The following CAPZB variants were observed in gnomAD, a reference collection of about 807,000 sequenced individuals.
CAPZB encodes F-actin-capping protein subunit beta.
A neutral mutation model predicts 38.1 loss-of-function variants in CAPZB; 2 were observed. That is an observed-to-expected ratio of 0.05 (90% CI 0.02 to 0.17). CAPZB has a LOEUF of 0.17. Among genes scored for constraint, CAPZB ranks in the 10% least tolerant of loss-of-function variants. The probability of loss-of-function intolerance (pLI) is 1.00; values close to 1 mark genes in which losing one functional copy is unlikely to be tolerated. For missense variants in CAPZB, 161 were observed against 334.2 expected, an observed-to-expected ratio of 0.48 and a Z score of 4.04; for synonymous variants, 107 against 127.4, an observed-to-expected ratio of 0.84 and a Z score of 1.08.
intron 1 of CAPZB, 131 bp from the exon 2 acceptor site, chr1:19,419,881 C>T (rs138211595): frequency 0.025 from 15,296 of 610,308 alleles, 273 homozygotes; most frequent in Middle Eastern, 0.036. Flanking sequence ...TCCGCCAGGT[C>T]TCTGTGTGCC....
chr1:19,375,290 G>A (rs964223248), intron 4 of CAPZB, among the ~76,000 whole-genome samples: 4 of 152,234 alleles, frequency 2.6e-5, no homozygotes, highest in Non-Finnish European at 5.9e-5. Context: ...CCAGGAGAGA[G>A]AGCTCTTCAG....
intron 2 of CAPZB, among the ~76,000 whole-genome samples, chr1:19,394,730 A>T (rs2100295285): frequency 6.6e-6 from 1 of 152,226 alleles, no homozygotes; most frequent in East Asian, 1.9e-4. Flanking sequence ...TACAAAACAA[A>T]ACAAAACAAA....
At chr1:19,349,540 C>T (rs1240543870) in intron 6 of CAPZB, among the ~76,000 whole-genome samples, 1 of 152,186 alleles carries the variant, frequency 6.6e-6, no homozygotes, top group Non-Finnish European at 1.5e-5. Context: ...CAAGTCCAGT[C>T]ACATCAGCAA....
chr1:19,360,954 C>T (rs577963562), intron 4 of CAPZB, among the ~76,000 whole-genome samples: 1 of 152,180 alleles, frequency 6.6e-6, no homozygotes, highest in Non-Finnish European at 1.5e-5. Flanking sequence ...GCCCACAATG[C>T]CATAAATCAA....
intron 2 of CAPZB, chr1:19,385,907 G>GAA (rs1310358058): frequency 3.9e-6 from 2 of 507,164 alleles, no homozygotes; most frequent in African/African-American, 3.9e-5. Flanking sequence ...TCACCAGGGT[G>GAA]GCCTAGTAAA....
intron 1 of CAPZB, among the ~76,000 whole-genome samples, chr1:19,433,670 G>C (rs1180254020): frequency 6.6e-6 from 1 of 152,214 alleles, no homozygotes; most frequent in African/African-American, 2.4e-5. Context: ...TATCTAGAAG[G>C]GGGTGGTGCT....
chr1:19,359,495 C>T (rs1007442089), intron 4 of CAPZB, among the ~76,000 whole-genome samples: 17 of 152,170 alleles, frequency 1.1e-4, no homozygotes, highest in African/African-American at 3.6e-4. Flanking sequence ...CCAGCCCCTG[C>T]GGCAGGACCA....
intron 2 of CAPZB, among the ~76,000 whole-genome samples, chr1:19,412,662 G>A (rs6426800): frequency 0.65 from 98,192 of 151,998 alleles, 32,251 homozygotes; most frequent in East Asian, 0.82. Flanking sequence ...TAAAACCCCA[G>A]AAATGTGTAT....
chr1:19,465,489 C>T (rs1217673074), intron 1 of CAPZB, among the ~76,000 whole-genome samples: 1 of 152,172 alleles, frequency 6.6e-6, no homozygotes, highest in East Asian at 1.9e-4. Context: ...CCCAAACAGA[C>T]TAAGACAATG....
intron 2 of CAPZB, among the ~76,000 whole-genome samples, chr1:19,399,064 G>A (rs2094289077): frequency 6.6e-6 from 1 of 151,920 alleles, no homozygotes; most frequent in African/African-American, 2.4e-5. Context: ...CACCATGTTG[G>A]TCAGGCTGGT....
chr1:19,419,663 G>T lies in CAPZB; in HGVS notation c.91C>A (p.Leu31Met), dbSNP rs375068236. 6.3e-7 allele frequency: 1 copy of T among 1,579,000 alleles called. No homozygotes were observed. Among genetic ancestry groups the T allele is most frequent in the Non-Finnish European group, 8.6e-7 (1 of 1,156,746 alleles). Residue 31 changes from leucine to methionine, a missense_variant and splice_region_variant, in exon 2 of 9, where the codon CTG becomes ATG. By Grantham distance (15) the Leu-to-Met change is conservative. Transcript: ENST00000264202. ...IEKNLSDLID[L>M]VPSLCEDLLS... ...AACCATATGAAGGAGGCACGTACCA[G>T]GTCGATCAGGTCGCTGAGGTTTTTC...
At position 19,356,850 on chromosome 1, in the gene CAPZB, C is replaced by T; in HGVS notation, c.472-99G>A. On this transcript the variant is annotated intron_variant, in intron 5 of 8. Transcript: ENST00000264202. This position sits in a 1 kb window ranked among gnomAD's most constrained non-coding sequence, Gnocchi z 4.3. Reference sequence around the variant, plus strand: ...AACATCTCCCTTCCTAGGTCATTATCACAATATTACCTTTTTTTTTTTTAA... The same window carrying T: ...AACATCTCCCTTCCTAGGTCATTATTACAATATTACCTTTTTTTTTTTTAA... The T allele has an allele frequency of 5.4e-6, 4 of 734,854 alleles. No homozygotes were observed. Among genetic ancestry groups the T allele is most frequent in the Non-Finnish European group, 9.3e-6 (4 of 430,004 alleles). The allele number at this position is 734,854 out of a possible 1,614,324, so 45.5% of individuals were successfully genotyped here.
intron 1 of CAPZB, among the ~76,000 whole-genome samples, chr1:19,443,039 A>G (rs1381988350): frequency 1.3e-5 from 2 of 152,148 alleles, no homozygotes; most frequent in African/African-American, 2.4e-5. Context: ...CCTTAAAATC[A>G]TAATTACATC....
intron 2 of CAPZB, among the ~76,000 whole-genome samples, chr1:19,386,083 C>T (rs532691608): frequency 7.2e-4 from 110 of 152,330 alleles, no homozygotes; most frequent in African/African-American, 2.6e-3. Context: ...GTGGAGTCTC[C>T]AGTACTTTCC....
At chr1:19,341,916 G>A (rs754062901) in intron 8 of CAPZB, among the ~76,000 whole-genome samples, 1 of 152,210 alleles carries the variant, frequency 6.6e-6, no homozygotes, top group Admixed American at 6.5e-5. Context: ...CCTTCAGTGC[G>A]CAGCCCCTGG....
rs565194010 is a variant in CAPZB at position 19,363,302 on chromosome 1, G to T, written c.330-5739C>A. ...TTTAGAGACAGGGTCTTGCTATGTT[G>T]CCCAGGCTGGTCTCAAGCCGTTTAT... is the stretch of plus-strand genomic sequence containing the variant. On this transcript the variant is annotated intron_variant, in intron 4 of 8. Transcript: ENST00000264202. 2.6e-3 allele frequency among the ~76,000 whole-genome samples: 348 copies of T among 131,518 alleles called. 3 individuals carry two copies. The highest frequency in any genetic ancestry group is 9.2e-3 in the African/African-American group (337 of 36,822). The allele number at this position is 131,518 out of a possible 152,430, so 86.3% of individuals were successfully genotyped here.
chr1:19,419,341 G>A (rs1051254183), intron 2 of CAPZB, among the ~76,000 whole-genome samples: 2 of 152,126 alleles, frequency 1.3e-5, no homozygotes, highest in African/African-American at 4.8e-5. Flanking sequence ...GAATGCCTGC[G>A]GGATGGGTAT....
chr1:19,367,737 CT>C (rs1450037130), intron 4 of CAPZB, among the ~76,000 whole-genome samples: 1 of 152,224 alleles, frequency 6.6e-6, no homozygotes, highest in Non-Finnish European at 1.5e-5. Context: ...TTAATGCCAG[CT>C]GCACTTAGAA....
At chr1:19,439,305 C>T (rs114973471) in intron 1 of CAPZB, among the ~76,000 whole-genome samples, 1 of 152,188 alleles carries the variant, frequency 6.6e-6, no homozygotes, top group Non-Finnish European at 1.5e-5. Context: ...ACTATAACCT[C>T]CTTCCTGTAG....
Sources: allele counts gnomAD v4.1 joint callset (sites outside exome capture counted in the v4.1 genomes callset), GRCh38; gene constraint gnomAD v4.1.1; non-coding constraint Gnocchi (gnomAD v3.1); transcripts MANE v1.5; gene names NCBI Gene and HGNC (gene_info 2026-07-23, HGNC 2026-07-21).